The following WDR43 variants were observed in gnomAD, a reference collection of about 807,000 sequenced individuals.
The protein encoded by WDR43 is WD repeat-containing protein 43.
In WDR43, 13 loss-of-function variants were observed where a neutral mutation model predicts 91.4. That is an observed-to-expected ratio of 0.14 (90% CI 0.09 to 0.23). The LOEUF (loss-of-function observed/expected upper bound fraction) is 0.23. Among genes scored for constraint, WDR43 ranks in the 10% least tolerant of loss-of-function variants. The pLI is 1.00. For synonymous variants in WDR43, 331 were observed against 287.9 expected (o/e 1.15, Z -1.51); for missense variants, 780 against 809.4 (o/e 0.96, Z 0.44).
At chr2:28,912,560 G>A in intron 3 of WDR43, 30 bp from the exon 4 acceptor site, 1 of 1,602,804 alleles carries the variant, frequency 6.2e-7, no homozygotes, top group Non-Finnish European at 8.5e-7. Flanking sequence ...CTCATGTATT[G>A]AGATGCTTTT....
At chr2:28,912,966 T>C (rs941520090) in intron 4 of WDR43, among the ~76,000 whole-genome samples, 37 of 149,356 alleles carry the variant, frequency 2.5e-4, no homozygotes, top group African/African-American at 8.2e-4. Flanking sequence ...TTTTTTTTTT[T>C]TTTTGAGATG....
intron 9 of WDR43, 56 bp downstream of exon 9, chr2:28,926,610 G>T (rs1278151388): frequency 1.1e-5 from 16 of 1,408,118 alleles, no homozygotes; most frequent in Non-Finnish European, 1.6e-5. Context: ...TTGGGTGAAT[G>T]GAACTGTTAC....
Position 28,946,686 on chromosome 2 carries a change from TGAA to T in WDR43, c.1945_1947del (p.Glu649del). ...AAGATGAGGATGCCGAAGGAAAAGA[TGAA>T]GAAAATGGCGAGGACAGAGATACAG... On this transcript the variant is annotated inframe_deletion, in exon 18 of 18. Coordinates refer to ENST00000407426, the MANE Select transcript of WDR43 (RefSeq NM_015131.3). 6.4e-7 allele frequency: 1 copy of T among 1,572,336 alleles called. No individual in the cohort carries two copies. The highest frequency in any genetic ancestry group is 8.6e-7 in the Non-Finnish European group (1 of 1,158,374).
At position 28,946,983 on chromosome 2, in the gene WDR43, A is replaced by G. The variant is rs1406118453; in HGVS notation, c.*204A>G. On this transcript the variant is annotated 3_prime_UTR_variant, in exon 18 of 18. Coordinates refer to ENST00000407426, the MANE Select transcript of WDR43 (RefSeq NM_015131.3). ...TCATTCAAATGTTAATAAACTTTAC[A>G]CAGTATATAGACACATTTTCTGCAA... 3.7e-6 allele frequency: 2 copies of G among 547,800 alleles called. No homozygotes were observed. Among genetic ancestry groups the G allele is most frequent in the South Asian group, 2.5e-5 (1 of 39,538 alleles). 33.9% of individuals were successfully genotyped at this position (547,800 alleles called of 1,614,324 possible).
At chr2:28,912,833 A>G in intron 4 of WDR43, 123 bp downstream of exon 4, 1 of 1,307,738 alleles carries the variant, frequency 7.6e-7, no homozygotes, top group Non-Finnish European at 1.0e-6. Flanking sequence ...TACATCAAAT[A>G]GTTTAGTGGA....
At chr2:28,943,801 G>T (rs1253663769) in intron 16 of WDR43, among the ~76,000 whole-genome samples, 4 of 152,182 alleles carry the variant, frequency 2.6e-5, no homozygotes, top group Non-Finnish European at 2.9e-5. Flanking sequence ...TCCATATTGT[G>T]AGAAATGGAT....
At chr2:28,929,458 A>G (rs1485386729) in intron 10 of WDR43, 121 bp from the exon 11 acceptor site, 2 of 897,020 alleles carry the variant, frequency 2.2e-6, no homozygotes, top group Admixed American at 3.9e-5. Flanking sequence ...GAATGAGCAT[A>G]TTAGTGTTTT....
At chr2:28,946,423 A>G (rs1671543124) in intron 16 of WDR43, 27 bp from the exon 17 acceptor site, 1 of 1,597,964 alleles carries the variant, frequency 6.3e-7, no homozygotes, top group African/African-American at 1.3e-5. Flanking sequence ...TTCTAAAATT[A>G]AGGCTGGGTT....
chr2:28,942,544 TAAGAA>T (rs1200067885), intron 16 of WDR43, among the ~76,000 whole-genome samples, 163 bp downstream of exon 16: 6 of 150,928 alleles, frequency 4.0e-5, no homozygotes, highest in African/African-American at 7.3e-5. Flanking sequence ...ATTCATCAGA[TAAGAA>T]AAGAAAAGGC....
At chr2:28,912,523 T>G in intron 3 of WDR43, 67 bp from the exon 4 acceptor site, 6 of 1,557,376 alleles carry the variant, frequency 3.9e-6, no homozygotes, top group Non-Finnish European at 5.2e-6. Context: ...GTTTTTTTGT[T>G]ATTTTCTGCT....
rs2148191077 is a variant in WDR43 at position 28,925,091 on chromosome 2, T to A, written c.1024T>A (p.Ser342Thr). ...CCCTATTCTAGCTGCTGGTTTTTGC[T>A]CAGACAAAATGTCATTGTTGCTTGT... ...PIPILAAGFC[S>T]DKMSLLLVYG... The change falls in exon 8 of 18, where the codon TCA becomes ACA. Residue 342 changes from serine (S) to threonine (T), a missense_variant. By Grantham distance (58) the Ser-to-Thr change is moderately conservative (BLOSUM62 1). Transcript: ENST00000407426. The A allele has an allele frequency of 1.2e-6, 2 of 1,613,978 alleles. No homozygotes were observed. The highest frequency in any genetic ancestry group is 2.2e-5 in the East Asian group (1 of 44,880).
chr2:28,922,898 T>C (rs375042123), intron 6 of WDR43, 21 bp from the exon 7 acceptor site: 4 of 1,606,888 alleles, frequency 2.5e-6, no homozygotes, highest in Non-Finnish European at 2.5e-6. Flanking sequence ...TTATAATACG[T>C]TGGTTACATT....
intron 1 of WDR43, 50 bp downstream of exon 1, chr2:28,894,973 C>T (rs1175813015): frequency 1.4e-6 from 2 of 1,443,432 alleles, no homozygotes; most frequent in East Asian, 2.8e-5. Context: ...GGCTCGGCTT[C>T]GGGCCTCCGG....
Position 28,944,880 on chromosome 2 carries a change from G to A in WDR43, c.1805-1570G>A, listed in dbSNP as rs571358043. 2.0e-3 allele frequency among the ~76,000 whole-genome samples: 297 copies of A among 152,284 alleles called. 1 individual carries two copies. Among genetic ancestry groups the A allele is most frequent in the Non-Finnish European group, 9.6e-4 (65 of 68,014 alleles). ...CCGGCCAGGCGGAGCCAGATAGCACGGCACTTCATCACGCTGCACATAACA... is the reference window on the plus strand; with the variant it reads ...CCGGCCAGGCGGAGCCAGATAGCACAGCACTTCATCACGCTGCACATAACA... On this transcript the variant is annotated intron_variant, in intron 16 of 17. Coordinates refer to ENST00000407426, the MANE Select transcript of WDR43 (RefSeq NM_015131.3).
Position 28,937,962 on chromosome 2 carries a change from G to T in WDR43, c.1588G>T (p.Val530Leu). ...AVLMVQWLKC[V>L]LTVHASYLST... ...GCTAATGGTTCAGTGGCTAAAATGT[G>T]TGTTAACAGTTCATGCATCATACCT... The change falls in exon 14 of 18, where the codon GTG (valine) becomes TTG (leucine). Residue 530 changes from valine (V) to leucine (L), a missense_variant. By Grantham distance (32) the Val-to-Leu change is conservative. Transcript: ENST00000407426. 6.2e-7 allele frequency: 1 copy of T among 1,613,778 alleles called. No homozygotes were observed. The highest frequency in any genetic ancestry group is 8.5e-7 in the Non-Finnish European group (1 of 1,179,832).
At chr2:28,939,420 TGTG>T (rs1200515152) in intron 14 of WDR43, among the ~76,000 whole-genome samples, 4 of 152,128 alleles carry the variant, frequency 2.6e-5, no homozygotes, top group African/African-American at 9.7e-5. Flanking sequence ...CCAGAGTAGT[TGTG>T]GTGTAACATT....
At chr2:28,919,531 C>T (rs1670981358) in intron 6 of WDR43, among the ~76,000 whole-genome samples, 1 of 151,898 alleles carries the variant, frequency 6.6e-6, no homozygotes, top group African/African-American at 2.4e-5. Context: ...TGGCGGGCGC[C>T]TGTAGTCCCA....
At chr2:28,905,950 C>T (rs1670670541) in intron 2 of WDR43, among the ~76,000 whole-genome samples, 2 of 152,064 alleles carry the variant, frequency 1.3e-5, no homozygotes, top group Admixed American at 1.3e-4. Flanking sequence ...TGAGCCACCA[C>T]GCCTGCCCTG....
chr2:28,913,103 G>A (rs562230129), intron 4 of WDR43, among the ~76,000 whole-genome samples: 32 of 151,704 alleles, frequency 2.1e-4, no homozygotes, highest in African/African-American at 7.0e-4. Flanking sequence ...ACAGGCGCCC[G>A]CCACCACGCG....
Sources: gnomAD v4.1 joint callset for allele counts (sites outside exome capture counted in the v4.1 genomes callset) on GRCh38, gnomAD v4.1.1 for gene constraint, MANE v1.5 for transcripts, NCBI Gene and HGNC (gene_info 2026-07-23, HGNC 2026-07-21) for gene names.